Variants in RFX8 observed in about 807,000 individuals in gnomAD.
The protein encoded by RFX8 is DNA-binding protein RFX8.
RFX8 carries 46 observed loss-of-function variants against 54.6 expected under a neutral mutation model. The observed-to-expected ratio is 0.84, with a 90% CI of 0.67 to 1.08. The LOEUF is 1.08. Ranked by LOEUF, RFX8 falls within the 50% of genes least tolerant of loss-of-function variation. The pLI is 0.00. For missense variants in RFX8, 536 were observed against 562.3 expected (o/e 0.95, Z 0.47); for synonymous variants, 192 against 209.5 (o/e 0.92, Z 0.72).
In RFX8 at chr2:101,447,037, G is replaced by T. The variant is rs13017851; in HGVS notation, c.72+19740C>A. On this transcript the variant is annotated intron_variant, in intron 2 of 11. Coordinates refer to ENST00000428343, the MANE Select transcript of RFX8 (RefSeq NM_001145664.2). Reference sequence around the variant, plus strand: ...GAGATGTAAGAGGAAGAGCTGGTTTGGCGCAGAGCACAGTGACTTTATTTG... The same window carrying T: ...GAGATGTAAGAGGAAGAGCTGGTTTTGCGCAGAGCACAGTGACTTTATTTG... 6.1e-3 allele frequency among the ~76,000 whole-genome samples: 934 copies of T among 152,302 alleles called. 6 individuals carry two copies. Among genetic ancestry groups the T allele is most frequent in the Middle Eastern group, 0.014 (4 of 294 alleles).
At chr2:101,420,601 T>G (rs1426140886) in intron 4 of RFX8, among the ~76,000 whole-genome samples, 1 of 152,042 alleles carries the variant, frequency 6.6e-6, no homozygotes, top group Non-Finnish European at 1.5e-5. Context: ...TAAAATATAG[T>G]CATAGTGACC....
At chr2:101,467,575 G>T (rs759254620) in intron 1 of RFX8, among the ~76,000 whole-genome samples, 4 of 152,252 alleles carry the variant, frequency 2.6e-5, no homozygotes, top group Admixed American at 2.6e-4. Context: ...GAGCAGCACA[G>T]AGCGAATGCA....
chr2:101,440,023 T>C (rs1442706836), intron 2 of RFX8, among the ~76,000 whole-genome samples: 1 of 152,078 alleles, frequency 6.6e-6, no homozygotes, highest in African/African-American at 2.4e-5. Context: ...TTCCTTTTCA[T>C]CAAGTTTGTT....
intron 2 of RFX8, among the ~76,000 whole-genome samples, chr2:101,426,841 A>C (rs6543046): frequency 0.93 from 141,595 of 152,234 alleles, 66,080 homozygotes; most frequent in South Asian, 0.98. Context: ...ATCCTTCCTG[A>C]ATCCTTGAAG....
At chr2:101,462,737 C>G (rs755021569) in intron 2 of RFX8, among the ~76,000 whole-genome samples, 17 of 152,048 alleles carry the variant, frequency 1.1e-4, no homozygotes, top group Non-Finnish European at 1.9e-4. Flanking sequence ...TTATCTTACC[C>G]AGGGTTACAA....
chr2:101,423,037 C>A (rs1314277828), intron 2 of RFX8, among the ~76,000 whole-genome samples: 2 of 152,106 alleles, frequency 1.3e-5, no homozygotes, highest in African/African-American at 4.8e-5. Context: ...GCGGGTGGAT[C>A]ACTTGAAGTC....
At chr2:101,412,042 CG>C (rs1290562167) in intron 8 of RFX8, among the ~76,000 whole-genome samples, 1 of 152,074 alleles carries the variant, frequency 6.6e-6, no homozygotes, top group African/African-American at 2.4e-5. Context: ...AGGAACTGAG[CG>C]GGCAGCTGTA....
intron 6 of RFX8, among the ~76,000 whole-genome samples, chr2:101,415,314 C>T (rs1050335032): frequency 6.6e-6 from 1 of 152,290 alleles, no homozygotes; most frequent in East Asian, 1.9e-4. Context: ...GCCTCTTTCA[C>T]CATGTGAAGA....
chr2:101,414,207 C>T (rs1027564631), intron 7 of RFX8, among the ~76,000 whole-genome samples: 5 of 152,210 alleles, frequency 3.3e-5, no homozygotes, highest in South Asian at 2.1e-4. Context: ...TCTGCTATGA[C>T]GCCCTGTTAC....
chr2:101,415,027 C>G (rs4851435), intron 6 of RFX8, 115 bp from the exon 7 acceptor site: 545,582 of 734,308 alleles, frequency 0.74, 210,463 homozygotes, highest in Non-Finnish European at 0.81. Context: ...TAAACTGCAA[C>G]TTCCCCCACC....
At chr2:101,427,122 G>A (rs1351354779) in intron 2 of RFX8, among the ~76,000 whole-genome samples, 1 of 152,146 alleles carries the variant, frequency 6.6e-6, no homozygotes, top group Non-Finnish European at 1.5e-5. Flanking sequence ...TAAGAGAGAA[G>A]CCAGTGACCC....
intron 2 of RFX8, among the ~76,000 whole-genome samples, chr2:101,448,650 A>G (rs918690277): frequency 6.6e-6 from 1 of 152,220 alleles, no homozygotes; most frequent in African/African-American, 2.4e-5. Flanking sequence ...CTCTTCAGCT[A>G]TCAGAGAAAA....
rs145258364 is a variant in RFX8 at position 101,427,179 on chromosome 2, C to T, written c.73-4707G>A. On this transcript the variant is annotated intron_variant, in intron 2 of 11. Transcript: ENST00000428343. ...TAATATGACAGGCAGAATCAGGCCC[C>T]TCCACCCCAAAAATGTCCACGTCCT... is the stretch of plus-strand genomic sequence containing the variant. Among the ~76,000 whole-genome samples the T allele has an allele frequency of 6.2e-3, 939 of 152,308 alleles. 10 individuals are homozygous for T. The highest frequency in any genetic ancestry group is 0.021 in the African/African-American group (868 of 41,574).
At chr2:101,414,756 T>C (rs1019288695) in intron 7 of RFX8, 98 bp downstream of exon 7, 19 of 922,282 alleles carry the variant, frequency 2.1e-5, no homozygotes, top group East Asian at 1.9e-4. Context: ...GCCCTCCAGA[T>C]GGACAGAGCA....
chr2:101,451,765 T>G (rs7589052), intron 2 of RFX8, among the ~76,000 whole-genome samples: 51,970 of 150,898 alleles, frequency 0.34, 9,637 homozygotes, highest in African/African-American at 0.44. Flanking sequence ...ATGCTAATTT[T>G]GTGAACACAG....
chr2:101,460,307 A>G (rs1689197029), intron 2 of RFX8, among the ~76,000 whole-genome samples: 1 of 131,222 alleles, frequency 7.6e-6, no homozygotes, highest in Non-Finnish European at 1.7e-5. Flanking sequence ...ATATGCAGAA[A>G]TCACCTGTCT....
intron 2 of RFX8, among the ~76,000 whole-genome samples, chr2:101,440,338 A>G (rs1328163995): frequency 1.3e-5 from 2 of 152,316 alleles, no homozygotes; most frequent in Middle Eastern, 3.4e-3. Flanking sequence ...CCGTTAGCTG[A>G]TAAGAGTGGC....
At position 101,440,966 on chromosome 2, in the gene RFX8, A is replaced by ATTTTTTTTTTT. The variant is rs70946645; in HGVS notation, c.73-18505_73-18495dup. Among the ~76,000 whole-genome samples the ATTTTTTTTTTT allele has an allele frequency of 6.2e-5, 7 of 113,460 alleles. 1 individual carries two copies. Among genetic ancestry groups the ATTTTTTTTTTT allele is most frequent in the Non-Finnish European group, 8.8e-5 (5 of 57,096 alleles). The allele number at this position is 113,460 out of a possible 152,430, so 74.4% of individuals were successfully genotyped here. A position where few individuals can be genotyped will look rare whatever the true frequency, so the allele number is the denominator to read the frequency against. Reference sequence around the variant, plus strand: ...TGTCCCCTCTGAAACCCATGTTGAAATTTTTTTTTTTTTTTTTTGAGACAG... The same window carrying ATTTTTTTTTTT: ...TGTCCCCTCTGAAACCCATGTTGAAATTTTTTTTTTTTTTTTTTTTTTTTTTTTTGAGACAG... On this transcript the variant is annotated intron_variant, in intron 2 of 11. Coordinates refer to ENST00000428343, the MANE Select transcript of RFX8 (RefSeq NM_001145664.2).
intron 2 of RFX8, among the ~76,000 whole-genome samples, chr2:101,431,663 C>T (rs1687495972): frequency 6.6e-6 from 1 of 152,216 alleles, no homozygotes; most frequent in Non-Finnish European, 1.5e-5. Context: ...CCTCTCCCTC[C>T]ACCCTGACTC....
Sources: gnomAD v4.1 joint callset for allele counts (sites outside exome capture counted in the v4.1 genomes callset) on GRCh38, gnomAD v4.1.1 for gene constraint, MANE v1.5 for transcripts, NCBI Gene and HGNC (gene_info 2026-07-23, HGNC 2026-07-21) for gene names.